Variants in COX4I1 observed in about 807,000 individuals in gnomAD.
The protein encoded by COX4I1 is cytochrome c oxidase subunit 4I1, also known as cytochrome c oxidase subunit 4 isoform 1, mitochondrial.
COX4I1 carries 18 observed loss-of-function variants against 21.7 expected under a neutral mutation model. The observed-to-expected ratio is 0.83, with a 90% CI of 0.57 to 1.23. The LOEUF (loss-of-function observed/expected upper bound fraction) is 1.23. Among genes scored for constraint, COX4I1 ranks in the 50% most tolerant of loss-of-function variants. The pLI, the probability that COX4I1 is intolerant of heterozygous loss-of-function variation, is 0.00. For synonymous variants in COX4I1, 100 were observed against 81.5 expected (o/e 1.23, Z -1.23); for missense variants, 238 against 220.7 (o/e 1.08, Z -0.50).
chr16:85,803,027 C>G (rs1037711339), intron 2 of COX4I1: 10 of 152,172 alleles, frequency 6.6e-5, no homozygotes, highest in African/African-American at 2.4e-4. Flanking sequence ...TTAGTATATT[C>G]ATTGAGTTTT....
intron 1 of COX4I1, among the ~76,000 whole-genome samples, chr16:85,800,411 G>A (rs1178503605): frequency 6.6e-6 from 1 of 152,178 alleles, no homozygotes; most frequent in African/African-American, 2.4e-5. Flanking sequence ...GAAATTGATC[G>A]GGGCTGTGTT....
At position 85,805,078 on chromosome 16, in the gene COX4I1, G is replaced by T; in HGVS notation, c.215G>T (p.Ser72Ile). ...LKEKEKASWSSLSMDEKVELY... is the reference protein window; with the variant it reads ...LKEKEKASWSILSMDEKVELY... ...GAGAAGGAGAAGGCCTCCTGGAGCA[G>T]CCTCTCCATGGATGAGAAAGTCGAG... Residue 72 changes from serine to isoleucine, a missense_variant, in exon 3 of 5, where the codon AGC becomes ATC. Transcript: ENST00000253452. 1 of 1,613,510 alleles carries T rather than the reference G, an allele frequency of 6.2e-7. No homozygotes were observed. The highest frequency in any genetic ancestry group is 8.5e-7 in the Non-Finnish European group (1 of 1,179,780).
In COX4I1 at chr16:85,806,972, C is replaced by T. The variant is rs571313813; in HGVS notation, c.*98C>T. 49 of 1,322,100 alleles carry T rather than the reference C, an allele frequency of 3.7e-5. No homozygotes were observed. The South Asian group carries it at 5.0e-4, about 13-fold the overall frequency. 81.9% of individuals were successfully genotyped at this position (1,322,100 alleles called of 1,614,324 possible). A position where few individuals can be genotyped will look rare whatever the true frequency, so the allele number is the denominator to read the frequency against. On this transcript the variant is annotated 3_prime_UTR_variant, in exon 5 of 5. Transcript: ENST00000253452. ...AACCTGTTATGCCAAACAGTTGTACCACTGCTAATAAATGACCAGTTTACC... is the reference window on the plus strand; with the variant it reads ...AACCTGTTATGCCAAACAGTTGTACTACTGCTAATAAATGACCAGTTTACC...
chr16:85,806,837 C>G lies in COX4I1; in HGVS notation c.473C>G (p.Ser158Cys), dbSNP rs577618111. ...GTGAACCCCATCCAGGGCTTAGCCT[C>G]CAAGTGGGACTACGAAAAGAACGAG... ...MKVNPIQGLA[S>C]KWDYEKNEWK... Residue 158 changes from serine to cysteine, a missense_variant, in exon 5 of 5, where the codon TCC becomes TGC. Ser to Cys is a moderately radical substitution (Grantham distance 112). Coordinates refer to ENST00000253452, the MANE Select transcript of COX4I1 (RefSeq NM_001861.6). 1 of 1,614,118 alleles carries G rather than the reference C, an allele frequency of 6.2e-7. No individual in the cohort carries two copies. Among genetic ancestry groups the G allele is most frequent in the African/African-American group, 1.3e-5 (1 of 75,048 alleles).
chr16:85,805,412 G>C, intron 3 of COX4I1: 1 of 523,862 alleles, frequency 1.9e-6, no homozygotes, highest in South Asian at 2.8e-5. Context: ...AAAATGCATA[G>C]TGTTTGGTAT....
chr16:85,805,767 G>C lies in COX4I1; in HGVS notation c.276G>C (p.Glu92Asp). The change falls in exon 4 of 5, where the codon GAG (glutamate) becomes GAC (aspartate). Residue 92 changes from glutamate to aspartate, a missense_variant. By Grantham distance (45) the Glu-to-Asp change is conservative. Coordinates refer to ENST00000253452, the MANE Select transcript of COX4I1 (RefSeq NM_001861.6). ...YRIKFKESFA[E>D]MNRGSNEWKT... is the part of the protein sequence containing the mutation. ...TTAAGTTCAAGGAGAGCTTTGCTGA[G>C]ATGAACAGGGGCTCGAACGAGTGGA... 6.2e-7 allele frequency: 1 copy of C among 1,614,274 alleles called. No individual in the cohort carries two copies. The highest frequency in any genetic ancestry group is 2.2e-5 in the East Asian group (1 of 44,888).
chr16:85,806,956 T>A lies in COX4I1; in HGVS notation c.*82T>A. ...ATGCCTATTTACTGGAAACCTGTTA[T>A]GCCAAACAGTTGTACCACTGCTAAT... On this transcript the variant is annotated 3_prime_UTR_variant, in exon 5 of 5. Transcript: ENST00000253452. 6.8e-7 allele frequency: 1 copy of A among 1,470,148 alleles called. No homozygotes were observed. Among genetic ancestry groups the A allele is most frequent in the Middle Eastern group, 1.8e-4 (1 of 5,418 alleles). 91.1% of individuals were successfully genotyped at this position (1,470,148 alleles called of 1,614,324 possible).
At chr16:85,804,277 A>G (rs1905992612) in intron 2 of COX4I1, 3 of 152,240 alleles carry the variant, frequency 2.0e-5, no homozygotes, top group African/African-American at 4.8e-5. Context: ...TCCCTTGCAG[A>G]TAGGCTTTCA....
intron 4 of COX4I1, 171 bp downstream of exon 4, chr16:85,806,035 G>T: frequency 1.1e-6 from 1 of 894,624 alleles, no homozygotes; most frequent in Non-Finnish European, 1.7e-6. Context: ...AACTGAAGTC[G>T]TGGGAGGTTA....
rs900150173 is a variant in COX4I1, at chr16:85,806,920, C to T, written c.*46C>T. 2 of 1,572,290 alleles carry T rather than the reference C, an allele frequency of 1.3e-6. No homozygotes were observed. The highest frequency in any genetic ancestry group is 1.3e-5 in the African/African-American group (1 of 74,136). ...CACCTGCGCCTGGCTCTGTCACCGC[C>T]ATGCAACTCCATGCCTATTTACTGG... On this transcript the variant is annotated 3_prime_UTR_variant, in exon 5 of 5. Transcript: ENST00000253452.
In COX4I1 at chr16:85,805,728, C is replaced by T; in HGVS notation, c.242-5C>T. 6.2e-7 allele frequency: 1 copy of T among 1,614,106 alleles called. No homozygotes were observed. The highest frequency in any genetic ancestry group is 8.5e-7 in the Non-Finnish European group (1 of 1,179,954). ...CCTGTAAATGGCTGTCCTCTCTGCCCCCAGTGTATCGCATTAAGTTCAAGG... is the reference window on the plus strand; with the variant it reads ...CCTGTAAATGGCTGTCCTCTCTGCCTCCAGTGTATCGCATTAAGTTCAAGG... On this transcript the variant is annotated splice_region_variant and splice_polypyrimidine_tract_variant and intron_variant, in intron 3 of 4. Transcript: ENST00000253452.
intron 2 of COX4I1, chr16:85,802,936 C>A (rs537197103): frequency 6.6e-6 from 1 of 152,160 alleles, no homozygotes; most frequent in Non-Finnish European, 1.5e-5. Context: ...CCCCAGTCTC[C>A]CTGTCATGGC....
intron 1 of COX4I1, among the ~76,000 whole-genome samples, chr16:85,800,309 T>C (rs981419655): frequency 6.6e-6 from 1 of 152,176 alleles, no homozygotes; most frequent in South Asian, 2.1e-4. Context: ...AAGGGTCGAT[T>C]TAAAGGGGGC....
At chr16:85,803,808 C>A (rs911962092) in intron 2 of COX4I1, 1 of 152,264 alleles carries the variant, frequency 6.6e-6, no homozygotes, top group Admixed American at 6.5e-5. Flanking sequence ...CTCTGTGACT[C>A]CTGAGTGCAC....
In COX4I1 at chr16:85,801,271, A is replaced by AGCTCAT; in HGVS notation, c.68_73dup (p.Ala23_His24dup). 6.2e-7 allele frequency: 1 copy of AGCTCAT among 1,607,788 alleles called. No homozygotes were observed. Among genetic ancestry groups the AGCTCAT allele is most frequent in the Non-Finnish European group, 8.5e-7 (1 of 1,174,644 alleles). On this transcript the variant is annotated inframe_insertion, in exon 2 of 5. Transcript: ENST00000253452. ...CAATTTCCACCTCTGTGTGTGTACG[A>AGCTCAT]GCTCATGGTAAGTGTGACTTTTCTT...
chr16:85,804,714 A>G (rs2152083559), intron 2 of COX4I1: 2 of 450,888 alleles, frequency 4.4e-6, no homozygotes, highest in East Asian at 8.4e-5. Context: ...CCCAGGGTTC[A>G]TTAGCAGTTG....
At chr16:85,802,941 C>CA (rs1406671560) in intron 2 of COX4I1, 1 of 152,208 alleles carries the variant, frequency 6.6e-6, no homozygotes, top group African/African-American at 2.4e-5. Context: ...GTCTCCCTGT[C>CA]ATGGCATTTA....
chr16:85,801,136 G>T, intron 1 of COX4I1, 69 bp from the exon 2 acceptor site: 3 of 1,365,366 alleles, frequency 2.2e-6, no homozygotes, highest in Non-Finnish European at 3.1e-6. Context: ...ATGCTCTGGG[G>T]CAAAAAGAAG....
chr16:85,803,630 C>T (rs1415067285), intron 2 of COX4I1: 1 of 152,168 alleles, frequency 6.6e-6, no homozygotes, highest in East Asian at 1.9e-4. Flanking sequence ...GCTTTGAAGG[C>T]ACTAAAATAA....
Sources: gnomAD v4.1 joint callset for allele counts (sites outside exome capture counted in the v4.1 genomes callset) on GRCh38, gnomAD v4.1.1 for gene constraint, MANE v1.5 for transcripts, NCBI Gene and HGNC (gene_info 2026-07-23, HGNC 2026-07-21) for gene names.